FAM168A: variants seen among roughly 807,000 people sequenced by gnomAD.
FAM168A encodes the protein family with sequence similarity 168 member A.
FAM168A carries 3 observed loss-of-function variants against 28.5 expected under a neutral mutation model. That is an observed-to-expected ratio of 0.11 (90% CI 0.05 to 0.27). The LOEUF is 0.27. Ranked by LOEUF, FAM168A falls within the 10% of genes least tolerant of loss-of-function variation. FAM168A has a pLI of 1.00. For missense variants in FAM168A, 222 were observed against 311.5 expected (o/e 0.71, Z 2.16); for synonymous variants, 122 against 124.2 (o/e 0.98, Z 0.12).
intron 1 of FAM168A, among the ~76,000 whole-genome samples, chr11:73,471,582 ACT>A (rs901989102): frequency 2.0e-5 from 3 of 152,010 alleles, no homozygotes; most frequent in Non-Finnish European, 4.4e-5. Context: ...TAAAATCCAA[ACT>A]CTTTCACAGA....
chr11:73,586,883 A>G (rs1190298279), intron 1 of FAM168A, among the ~76,000 whole-genome samples: 1 of 152,202 alleles, frequency 6.6e-6, no homozygotes, highest in Non-Finnish European at 1.5e-5. Context: ...ACCAAGCCCA[A>G]TTAATTTTCT....
At chr11:73,471,779 T>G (rs1426043741) in intron 1 of FAM168A, among the ~76,000 whole-genome samples, 1 of 152,202 alleles carries the variant, frequency 6.6e-6, no homozygotes, top group Non-Finnish European at 1.5e-5. Context: ...CAACAAAAAT[T>G]TCTGCTTACA....
chr11:73,511,976 T>C (rs1228314412), intron 1 of FAM168A, among the ~76,000 whole-genome samples: 2 of 152,216 alleles, frequency 1.3e-5, no homozygotes, highest in Non-Finnish European at 1.5e-5. Context: ...ACATACTCTT[T>C]ATCTGTCTCT....
intron 3 of FAM168A, among the ~76,000 whole-genome samples, chr11:73,426,994 T>C (rs1424207958): frequency 6.0e-5 from 9 of 150,684 alleles, no homozygotes. Context: ...TATGTTTTAT[T>C]TATTTATTTT....
intron 1 of FAM168A, among the ~76,000 whole-genome samples, chr11:73,526,681 G>A (rs1943451194): frequency 6.6e-6 from 1 of 152,068 alleles, no homozygotes; most frequent in African/African-American, 2.4e-5. Context: ...AAAACAAATC[G>A]CTTATTGTTG....
At chr11:73,488,195 A>G (rs1387220044) in intron 1 of FAM168A, among the ~76,000 whole-genome samples, 1 of 150,722 alleles carries the variant, frequency 6.6e-6, no homozygotes, top group Non-Finnish European at 1.5e-5. Context: ...TCATGGCACG[A>G]TCTTGGCTCA....
rs556140484 is a variant in FAM168A at position 73,463,160 on chromosome 11, G to A, written c.70+5245C>T. 2.6e-5 allele frequency among the ~76,000 whole-genome samples: 4 copies of A among 151,606 alleles called. No homozygotes were observed. The South Asian group carries it at 8.3e-4, about 32-fold the overall frequency. ...TTTTTTGTATTTTTAGTAGAGACGG[G>A]GTTTTGCTTTGTTGCCCAGGCTGGT... On this transcript the variant is annotated intron_variant, in intron 2 of 7. Transcript: ENST00000356467.
chr11:73,584,745 G>T (rs528266807), intron 1 of FAM168A, among the ~76,000 whole-genome samples: 1 of 152,248 alleles, frequency 6.6e-6, no homozygotes, highest in African/African-American at 2.4e-5. Flanking sequence ...CCAAAGTGCT[G>T]GGATTACACG....
intron 1 of FAM168A, among the ~76,000 whole-genome samples, chr11:73,584,645 G>GT (rs1404904521): frequency 6.6e-6 from 1 of 151,500 alleles, no homozygotes; most frequent in Non-Finnish European, 1.5e-5. Context: ...GGCTAATTTT[G>GT]TTTTTGTATT....
intron 2 of FAM168A, among the ~76,000 whole-genome samples, chr11:73,439,549 C>T (rs573060977): frequency 3.9e-4 from 59 of 152,196 alleles, no homozygotes; most frequent in African/African-American, 1.3e-3. Context: ...ACTGCTCCTA[C>T]GTAAATATAT....
At chr11:73,512,748 GTTA>G (rs1855249750) in intron 1 of FAM168A, among the ~76,000 whole-genome samples, 1 of 151,880 alleles carries the variant, frequency 6.6e-6, no homozygotes, top group Non-Finnish European at 1.5e-5. Context: ...GTACTATCTA[GTTA>G]TTATTATTTA....
intron 1 of FAM168A, among the ~76,000 whole-genome samples, chr11:73,516,164 G>T (rs1435132342): frequency 6.6e-6 from 1 of 151,480 alleles, no homozygotes; most frequent in Non-Finnish European, 1.5e-5. Flanking sequence ...TAAGATTTCT[G>T]GCTCTTTGGG....
intron 1 of FAM168A, among the ~76,000 whole-genome samples, chr11:73,482,796 T>C (rs761373147): frequency 4.6e-5 from 7 of 152,182 alleles, no homozygotes; most frequent in Non-Finnish European, 8.8e-5. Context: ...TGGAATGCAA[T>C]GGCGCAATTT....
At position 73,416,155 on chromosome 11, in the gene FAM168A, T is replaced by A. The variant is rs188676069; in HGVS notation, c.277+3719A>T. ...GATCACTCGAAGTCCCAGCTCTGCC[T>A]TATAAAAGAGGCTTTGTTTATGATG... On this transcript the variant is annotated intron_variant, in intron 4 of 7. Coordinates refer to ENST00000356467, the MANE Select transcript of FAM168A (RefSeq NM_015159.3). Among the ~76,000 whole-genome samples the A allele has an allele frequency of 9.8e-5, 15 of 152,364 alleles. No homozygotes were observed. In the East Asian group the frequency reaches 2.3e-3, roughly 23 times the overall value.
intron 1 of FAM168A, among the ~76,000 whole-genome samples, chr11:73,487,833 A>C (rs1478546455): frequency 6.6e-6 from 1 of 152,182 alleles, no homozygotes; most frequent in Non-Finnish European, 1.5e-5. Context: ...ACCTATCAGG[A>C]CATTCAATCT....
At chr11:73,537,246 G>A (rs1342071713) in intron 1 of FAM168A, among the ~76,000 whole-genome samples, 1 of 152,100 alleles carries the variant, frequency 6.6e-6, no homozygotes, top group Non-Finnish European at 1.5e-5. Context: ...GGCTGAAAAG[G>A]CAGGCAGAAA....
At chr11:73,460,172 ACCCGG>A (rs1317154501) in intron 2 of FAM168A, among the ~76,000 whole-genome samples, 1 of 151,562 alleles carries the variant, frequency 6.6e-6, no homozygotes, top group Non-Finnish European at 1.5e-5. Context: ...GAGCCACCGC[ACCCGG>A]CCTCCAAATG....
chr11:73,533,365 AG>A (rs1482053347), intron 1 of FAM168A, among the ~76,000 whole-genome samples: 6 of 152,176 alleles, frequency 3.9e-5, no homozygotes, highest in Non-Finnish European at 8.8e-5. Flanking sequence ...CAAGCAAAAA[AG>A]GTCTCTCTAA....
At chr11:73,430,601 C>T in intron 3 of FAM168A, 89 bp downstream of exon 3, 1 of 1,246,740 alleles carries the variant, frequency 8.0e-7, no homozygotes, top group Non-Finnish European at 1.2e-6. Context: ...CAATTAAGAA[C>T]AGGAAAAGGC....
Sources: gnomAD v4.1 joint callset for allele counts (sites outside exome capture counted in the v4.1 genomes callset) on GRCh38, gnomAD v4.1.1 for gene constraint, MANE v1.5 for transcripts, NCBI Gene and HGNC (gene_info 2026-07-23, HGNC 2026-07-21) for gene names.